The following TRIM44 variants were observed in gnomAD, a reference collection of about 807,000 sequenced individuals.
TRIM44 encodes the protein tripartite motif containing 44.
Under a neutral mutation model 37.4 loss-of-function variants are expected in TRIM44, and 13 were observed. That is an observed-to-expected ratio of 0.35 (90% confidence interval 0.23 to 0.55). TRIM44 has a LOEUF of 0.55. Among genes scored for constraint, TRIM44 ranks in the 20% least tolerant of loss-of-function variants. The pLI, the probability that TRIM44 is intolerant of heterozygous loss-of-function variation, is 0.89. For synonymous variants in TRIM44, 175 were observed against 157.2 expected, an observed-to-expected ratio of 1.11 and a Z score of -0.85; for missense variants, 426 against 437.2, an observed-to-expected ratio of 0.97 and a Z score of 0.23.
intron 4 of TRIM44, among the ~76,000 whole-genome samples, chr11:35,754,759 G>T (rs1852609469): frequency 6.6e-6 from 1 of 151,178 alleles, no homozygotes; most frequent in Non-Finnish European, 1.5e-5. Flanking sequence ...GCGGTGTTTG[G>T]TTTTTTGTTC....
rs1455075362 is a variant in TRIM44 at position 35,801,720 on chromosome 11, C to CA, written c.1008-4637dup. On this transcript the variant is annotated intron_variant, in intron 4 of 4. Transcript: ENST00000299413. Reference sequence around the variant, plus strand: ...ACCACATCAGACAGTAAGCCCAACTCAGAGAAGGGATACAGCATTCTGCTT... The same window carrying CA: ...ACCACATCAGACAGTAAGCCCAACTCAAGAGAAGGGATACAGCATTCTGCTT... Among the ~76,000 whole-genome samples, 3 of 152,172 alleles carry CA rather than the reference C, an allele frequency of 2.0e-5. No homozygotes were observed. The East Asian group carries it at 5.8e-4, about 29-fold the overall frequency.
intron 4 of TRIM44, among the ~76,000 whole-genome samples, chr11:35,778,205 T>G (rs979684315): frequency 6.6e-6 from 1 of 152,186 alleles, no homozygotes; most frequent in African/African-American, 2.4e-5. Context: ...TTTCATTCAT[T>G]TCATCCTCGA....
At chr11:35,752,509 T>C (rs577693152) in intron 4 of TRIM44, among the ~76,000 whole-genome samples, 1 of 151,652 alleles carries the variant, frequency 6.6e-6, no homozygotes, top group Non-Finnish European at 1.5e-5. Flanking sequence ...CCCTCACCCC[T>C]CCACAGAGTA....
chr11:35,758,934 T>G (rs1185833988), intron 4 of TRIM44, among the ~76,000 whole-genome samples: 1 of 152,172 alleles, frequency 6.6e-6, no homozygotes, highest in Non-Finnish European at 1.5e-5. Context: ...CCCTTAACGT[T>G]TTTTCCTTCA....
intron 2 of TRIM44, among the ~76,000 whole-genome samples, chr11:35,700,772 T>C (rs1851777842): frequency 6.6e-6 from 1 of 152,236 alleles, no homozygotes; most frequent in African/African-American, 2.4e-5. Flanking sequence ...CCCCGGGACT[T>C]ATCTACAATA....
chr11:35,669,958 A>G (rs972007481), intron 1 of TRIM44, among the ~76,000 whole-genome samples: 4 of 151,718 alleles, frequency 2.6e-5, no homozygotes, highest in Non-Finnish European at 5.9e-5. Context: ...AGTAGTAGGG[A>G]CTACAGGCAT....
Position 35,807,544 on chromosome 11 carries a change from C to G in TRIM44, c.*1159C>G, listed in dbSNP as rs1026651116. On this transcript the variant is annotated 3_prime_UTR_variant, in exon 5 of 5. Coordinates refer to ENST00000299413, the MANE Select transcript of TRIM44 (RefSeq NM_017583.6). ...ACTTCCAAATCACAATTTCTTACAA[C>G]CAAGCTTTGTGCTCCCGAGTAAGCA... 1.3e-5 allele frequency: 2 copies of G among 152,132 alleles called. No individual in the cohort carries two copies. The highest frequency in any genetic ancestry group is 6.6e-5 in the Admixed American group (1 of 15,258). The allele number at this position is 152,132 out of a possible 1,614,324, so 9.4% of individuals were successfully genotyped here. A position where few individuals can be genotyped will look rare whatever the true frequency, so the allele number is the denominator to read the frequency against.
rs1282384783 is a variant in TRIM44, at chr11:35,814,677, G to A, written c.*8292G>A. 6.6e-6 allele frequency: 1 copy of A among 152,094 alleles called. No homozygotes were observed. Among genetic ancestry groups the A allele is most frequent in the Non-Finnish European group, 1.5e-5 (1 of 68,018 alleles). The allele number at this position is 152,094 out of a possible 1,614,324, so 9.4% of individuals were successfully genotyped here. A position where few individuals can be genotyped will look rare whatever the true frequency, so the allele number is the denominator to read the frequency against. ...CAGCTGCATCCCATTTGGTACCCAG[G>A]CAAGGATTTTTCCATACCTATCTTT... On this transcript the variant is annotated 3_prime_UTR_variant, in exon 5 of 5. Transcript: ENST00000299413.
At chr11:35,751,543 CAT>C (rs946582197) in intron 4 of TRIM44, among the ~76,000 whole-genome samples, 87 of 152,172 alleles carry the variant, frequency 5.7e-4, no homozygotes, top group African/African-American at 2.0e-3. Flanking sequence ...TCTCATCAGT[CAT>C]ATAGGAGCAG....
intron 4 of TRIM44, among the ~76,000 whole-genome samples, chr11:35,792,712 G>A (rs187971003): frequency 1.3e-5 from 2 of 152,284 alleles, no homozygotes; most frequent in East Asian, 1.9e-4. Flanking sequence ...AACAAATGCA[G>A]CCTCCAAAGA....
chr11:35,700,541 C>T (rs1454720595), intron 2 of TRIM44, among the ~76,000 whole-genome samples: 1 of 152,182 alleles, frequency 6.6e-6, no homozygotes, highest in Non-Finnish European at 1.5e-5. Flanking sequence ...GCAACTTTTA[C>T]TTTTGGTGCA....
intron 1 of TRIM44, among the ~76,000 whole-genome samples, chr11:35,675,390 G>A (rs974434204): frequency 6.6e-6 from 1 of 152,166 alleles, no homozygotes; most frequent in South Asian, 2.1e-4. Context: ...GGTGTAGGCA[G>A]TCTAAGGTTG....
At chr11:35,744,941 G>A (rs1014632750) in intron 4 of TRIM44, among the ~76,000 whole-genome samples, 14 of 152,132 alleles carry the variant, frequency 9.2e-5, no homozygotes, top group Non-Finnish European at 4.4e-5. Flanking sequence ...TGGTGTATAT[G>A]TATCACATTT....
rs1223585286 is a variant in TRIM44, at chr11:35,782,680, C to T, written c.1008-23678C>T. On this transcript the variant is annotated intron_variant, in intron 4 of 4. Coordinates refer to ENST00000299413, the MANE Select transcript of TRIM44 (RefSeq NM_017583.6). ...TATTAATCAGGAAAGTAAACACTTT[C>T]CCAAGGAGCACCCCACCACCACCAC... 2.0e-5 allele frequency among the ~76,000 whole-genome samples: 3 copies of T among 152,088 alleles called. No homozygotes were observed. The East Asian group carries it at 5.8e-4, about 29-fold the overall frequency.
chr11:35,727,190 C>T (rs1852187648), intron 3 of TRIM44, among the ~76,000 whole-genome samples: 1 of 151,024 alleles, frequency 6.6e-6, no homozygotes, highest in African/African-American at 2.4e-5. Context: ...ACTTATATTT[C>T]AGCCACTAGA....
intron 2 of TRIM44, among the ~76,000 whole-genome samples, chr11:35,696,559 C>T (rs1328792027): frequency 6.6e-6 from 1 of 151,392 alleles, no homozygotes. Flanking sequence ...TATTTAAAGG[C>T]AAACAAAGGC....
At chr11:35,726,656 G>A (rs1852178737) in intron 3 of TRIM44, among the ~76,000 whole-genome samples, 1 of 147,680 alleles carries the variant, frequency 6.8e-6, no homozygotes, top group Non-Finnish European at 1.5e-5. Context: ...GATTAAGAAT[G>A]GCATGTGCAC....
intron 4 of TRIM44, among the ~76,000 whole-genome samples, chr11:35,757,621 C>T (rs1303325641): frequency 2.6e-5 from 4 of 152,250 alleles, no homozygotes; most frequent in Non-Finnish European, 4.4e-5. Flanking sequence ...TTTCTGCTTT[C>T]TCTTGTGGGC....
At chr11:35,696,941 AAG>A (rs1484363398) in intron 2 of TRIM44, among the ~76,000 whole-genome samples, 2 of 152,202 alleles carry the variant, frequency 1.3e-5, no homozygotes, top group Non-Finnish European at 2.9e-5. Context: ...AATCTTGTTC[AAG>A]AGAGAAAGCC....
Sources: gnomAD v4.1 joint callset for allele counts (sites outside exome capture counted in the v4.1 genomes callset) on GRCh38, gnomAD v4.1.1 for gene constraint, MANE v1.5 for transcripts, NCBI Gene and HGNC (gene_info 2026-07-23, HGNC 2026-07-21) for gene names.